The following ELP1 variants were observed in gnomAD, a reference collection of about 807,000 sequenced individuals.
ELP1 encodes the protein elongator complex protein 1.
A neutral mutation model predicts 183.2 loss-of-function variants in ELP1; 131 were observed. The ratio of observed to expected loss-of-function variants is 0.72; its 90% CI spans 0.62 to 0.83. ELP1 has a LOEUF of 0.83. Ranked by LOEUF, ELP1 falls within the 40% of genes least tolerant of loss-of-function variation. The pLI is 0.00. For missense variants in ELP1, 1,550 were observed against 1,594.9 expected, an observed-to-expected ratio of 0.97 and a Z score of 0.48; for synonymous variants, 555 against 569.0, an observed-to-expected ratio of 0.98 and a Z score of 0.35.
intron 14 of ELP1, among the ~76,000 whole-genome samples, chr9:108,904,308 A>T (rs1226584326): frequency 1.3e-5 from 2 of 151,040 alleles, no homozygotes; most frequent in African/African-American, 4.9e-5. Flanking sequence ...CAGTTGACAC[A>T]ATCACAGCTC....
chr9:108,881,296 G>C (rs1472141907), intron 31 of ELP1, among the ~76,000 whole-genome samples: 1 of 152,160 alleles, frequency 6.6e-6, no homozygotes, highest in East Asian at 1.9e-4. Context: ...AACCTTTTAA[G>C]AGTAAGGCAG....
At chr9:108,900,164 G>T in intron 19 of ELP1, 96 bp downstream of exon 19, 4 of 922,580 alleles carry the variant, frequency 4.3e-6, no homozygotes, top group Non-Finnish European at 7.1e-6. Flanking sequence ...ACGATACAAA[G>T]AATAAGAAAG....
intron 28 of ELP1, 36 bp from the exon 29 acceptor site, chr9:108,889,429 T>C (rs775817292): frequency 3.8e-6 from 6 of 1,580,408 alleles, no homozygotes; most frequent in Non-Finnish European, 3.5e-6. Flanking sequence ...ACTACAAAGT[T>C]AAACAGATAC....
rs1829697945 is a variant in ELP1, at chr9:108,922,887, C to G, written c.507G>C (p.Gln169His). The G allele has an allele frequency of 6.2e-7, 1 of 1,614,082 alleles. No individual in the cohort carries two copies. The highest frequency in any genetic ancestry group is 1.7e-5 in the Admixed American group (1 of 60,026). Residue 169 changes from glutamine to histidine, a missense_variant, in exon 6 of 37, where the codon CAG becomes CAC. Gln to His is a conservative substitution (Grantham distance 24, BLOSUM62 0). Transcript: ENST00000374647. ...ITVGWGRKETQFHGSEGRQAA... is the reference protein window; with the variant it reads ...ITVGWGRKETHFHGSEGRQAA... ...CTTGTCTGCCTTCTGATCCATGGAA[C>G]TGTGTCTCCTTCCTACCCCATCCAA...
intron 18 of ELP1, among the ~76,000 whole-genome samples, chr9:108,900,784 TACACGCCACACAC>T (rs1828751905): frequency 2.7e-5 from 4 of 147,248 alleles, no homozygotes; most frequent in East Asian, 2.0e-4. Context: ...CACACACACA[TACACGCCACACAC>T]ACATACACGC....
intron 29 of ELP1, among the ~76,000 whole-genome samples, chr9:108,883,017 G>A (rs935485774): frequency 6.6e-6 from 1 of 152,078 alleles, no homozygotes; most frequent in Non-Finnish European, 1.5e-5. Context: ...TCACATTCTT[G>A]ACAATGTCCT....
At chr9:108,871,435 G>A (rs1015974151) in intron 36 of ELP1, among the ~76,000 whole-genome samples, 27 of 152,188 alleles carry the variant, frequency 1.8e-4, no homozygotes, top group African/African-American at 6.3e-4. Context: ...GGGACAAATC[G>A]ACAATGGAAC....
chr9:108,896,796 G>A (rs1828567268), intron 24 of ELP1, 152 bp from the exon 25 acceptor site: 1 of 1,031,320 alleles, frequency 9.7e-7, no homozygotes, highest in Non-Finnish European at 1.5e-6. Flanking sequence ...ATGCTTTAGA[G>A]GGCAGCACTG....
At position 108,926,537 on chromosome 9, in the gene ELP1, T is replaced by A. The variant is rs1829829317; in HGVS notation, c.452A>T (p.Asp151Val). The A allele has an allele frequency of 1.2e-6, 2 of 1,612,796 alleles. No homozygotes were observed. The highest frequency in any genetic ancestry group is 1.7e-6 in the Non-Finnish European group (2 of 1,179,570). ...EPILEQQIHQ[D>V]DFGESKFITV... ...GCTATACTTACTTTCACCAAAATCA[T>A]CCTGATGGATCTGCTGCTCCAGGAT... Residue 151 changes from aspartate (D) to valine (V), a missense_variant, in exon 5 of 37, where the codon GAT becomes GTT. Coordinates refer to ENST00000374647, the MANE Select transcript of ELP1 (RefSeq NM_003640.5).
chr9:108,891,174 G>A (rs1256344787), intron 28 of ELP1, 29 bp downstream of exon 28: 1 of 1,602,520 alleles, frequency 6.2e-7, no homozygotes, highest in South Asian at 1.1e-5. Flanking sequence ...AACCTTTGTA[G>A]ATGTAAACAT....
chr9:108,881,630 T>G (rs569726312), intron 31 of ELP1, 75 bp downstream of exon 31: 2 of 885,000 alleles, frequency 2.3e-6, no homozygotes, highest in South Asian at 2.7e-5. Context: ...ACACAGTAAA[T>G]AGGAGGAGAC....
In ELP1 at chr9:108,895,004, T is replaced by C. The variant is rs1057217731; in HGVS notation, c.2737-938A>G. ...AATTAAGTGCTCATTCCCAGCACTCTGGGAGGCCGAGGCAGATGGATTGCT... is the reference window on the plus strand; with the variant it reads ...AATTAAGTGCTCATTCCCAGCACTCCGGGAGGCCGAGGCAGATGGATTGCT... On this transcript the variant is annotated intron_variant, in intron 25 of 36. Transcript: ENST00000374647. Among the ~76,000 whole-genome samples, 7 of 152,174 alleles carry C rather than the reference T, an allele frequency of 4.6e-5. 1 individual carries two copies. The highest frequency in any genetic ancestry group is 4.6e-4 in the Admixed American group (7 of 15,282).
At position 108,931,150 on chromosome 9, in the gene ELP1, G is replaced by C. The variant is rs1214888726; in HGVS notation, c.-4C>G. The stretch of plus-strand genomic sequence containing the variant: ...GAAATAATTTCAGATTTCGCATGAT[G>C]AAGTGATTCCCACGAGACAAGTACA... On this transcript the variant is annotated 5_prime_UTR_variant, in exon 2 of 37. Transcript: ENST00000374647. 2 of 1,613,802 alleles carry C rather than the reference G, an allele frequency of 1.2e-6. No homozygotes were observed. The highest frequency in any genetic ancestry group is 1.7e-6 in the Non-Finnish European group (2 of 1,179,812).
chr9:108,890,651 A>T (rs1020455074), intron 28 of ELP1, among the ~76,000 whole-genome samples: 1 of 152,160 alleles, frequency 6.6e-6, no homozygotes, highest in Non-Finnish European at 1.5e-5. Flanking sequence ...CTTTGCTTTC[A>T]GAATGCTTCG....
intron 5 of ELP1, among the ~76,000 whole-genome samples, chr9:108,925,332 C>A (rs1204642457): frequency 6.6e-6 from 1 of 152,228 alleles, no homozygotes; most frequent in Non-Finnish European, 1.5e-5. Flanking sequence ...CACTCACATT[C>A]TGCCACTTCA....
chr9:108,906,237 C>T lies in ELP1; in HGVS notation c.1643+66G>A, dbSNP rs1829013189. 9.2e-6 allele frequency: 14 copies of T among 1,516,748 alleles called. No homozygotes were observed. In the South Asian group the frequency reaches 1.5e-4, roughly 16 times the overall value. 94.0% of individuals were successfully genotyped at this position (1,516,748 alleles called of 1,614,324 possible). ...ATCAATAGAAGTCAAAAGTTGTATG[C>T]TCATAAAAGACAAAAACCTAACTCC... is the stretch of plus-strand genomic sequence containing the variant. On this transcript the variant is annotated intron_variant, in intron 14 of 36. Coordinates refer to ENST00000374647, the MANE Select transcript of ELP1 (RefSeq NM_003640.5).
chr9:108,881,918 T>A (rs1455191624), intron 30 of ELP1, among the ~76,000 whole-genome samples, 153 bp from the exon 31 acceptor site: 1 of 152,244 alleles, frequency 6.6e-6, no homozygotes, highest in Admixed American at 6.5e-5. Flanking sequence ...ATTCAATTCA[T>A]TTCAGTAAAA....
At position 108,874,898 on chromosome 9, in the gene ELP1, G is replaced by C. The variant is rs1234369777; in HGVS notation, c.3928C>G (p.Leu1310Val). ...YQQQKTSVPV[L>V]DAELFIPPKI... ...TTAAATGAGAAAAAATACTAACCAAGAACAGGAACCGAAGTCTTCTGTTGC... is the reference window on the plus strand; with the variant it reads ...TTAAATGAGAAAAAATACTAACCAACAACAGGAACCGAAGTCTTCTGTTGC... The change falls in exon 36 of 37, where the codon CTT (leucine) becomes GTT (valine). Residue 1310 changes from leucine to valine, a missense_variant. Leu to Val is a conservative substitution (Grantham distance 32). Transcript: ENST00000374647. 3.7e-6 allele frequency: 6 copies of C among 1,601,952 alleles called. No individual in the cohort carries two copies. Among genetic ancestry groups the C allele is most frequent in the Non-Finnish European group, 5.1e-6 (6 of 1,169,298 alleles).
chr9:108,897,453 A>G (rs760719211), intron 22 of ELP1, among the ~76,000 whole-genome samples, 168 bp from the exon 23 acceptor site: 1 of 152,246 alleles, frequency 6.6e-6, no homozygotes, highest in Non-Finnish European at 1.5e-5. Flanking sequence ...AGACTTATAC[A>G]AATGTTTGTA....
Sources: allele counts gnomAD v4.1 joint callset (sites outside exome capture counted in the v4.1 genomes callset), GRCh38; gene constraint gnomAD v4.1.1; transcripts MANE v1.5; gene names NCBI Gene and HGNC (gene_info 2026-07-23, HGNC 2026-07-21).